Variants in HDAC8 observed in about 807,000 individuals in gnomAD.
The protein encoded by HDAC8 is histone deacetylase-like 1.
HDAC8 carries 1 observed loss-of-function variant against 32.2 expected under a neutral mutation model. That is an observed-to-expected ratio of 0.03 (90% CI 0.01 to 0.15). HDAC8 has a LOEUF of 0.15. Among genes scored for constraint, HDAC8 ranks in the 10% least tolerant of loss-of-function variants. The pLI is 1.00. For missense variants in HDAC8, 117 were observed against 300.0 expected (o/e 0.39, Z 4.51); for synonymous variants, 108 against 113.9 (o/e 0.95, Z 0.33).
chrX:72,521,970 C>A (rs2049996673), intron 4 of HDAC8, among the ~76,000 whole-genome samples: 1 of 111,492 alleles, frequency 9.0e-6, no homozygotes, highest in African/African-American at 3.3e-5. Flanking sequence ...CTTCCCAGAA[C>A]AAGCAGAAAA....
In HDAC8 at chrX:72,422,247, T is replaced by C. The variant is rs782345826; in HGVS notation, c.1005+39757A>G. ...TTTTGGTCATTATTTATTTAAAAAT[T>C]CTTTCTATCCCTTTCATAACCTCTT... On this transcript the variant is annotated intron_variant, in intron 9 of 10. Transcript: ENST00000373573. Among the ~76,000 whole-genome samples, 4 of 111,561 alleles carry C rather than the reference T, an allele frequency of 3.6e-5. No individual in the cohort carries two copies. The South Asian group carries it at 1.5e-3, about 42-fold the overall frequency.
intron 4 of HDAC8, among the ~76,000 whole-genome samples, chrX:72,505,933 C>A (rs782113924): frequency 8.9e-6 from 1 of 112,037 alleles, no homozygotes; most frequent in South Asian, 3.7e-4. Flanking sequence ...CAATATCTTG[C>A]TAATATCCTC....
At chrX:72,539,744 A>G (rs993296320) in intron 4 of HDAC8, among the ~76,000 whole-genome samples, 1 of 111,532 alleles carries the variant, frequency 9.0e-6, no homozygotes, top group Non-Finnish European at 1.9e-5. Flanking sequence ...CCGCACCCCC[A>G]ACAATAACCC....
At chrX:72,553,604 A>T (rs1556081291) in intron 4 of HDAC8, among the ~76,000 whole-genome samples, 1 of 111,533 alleles carries the variant, frequency 9.0e-6, no homozygotes, top group Non-Finnish European at 1.9e-5. Context: ...AGGAGGGAAA[A>T]ATATATATAC....
intron 9 of HDAC8, among the ~76,000 whole-genome samples, chrX:72,393,180 G>A (rs1555964473): frequency 1.8e-5 from 2 of 111,951 alleles, no homozygotes; most frequent in African/African-American, 6.5e-5. Context: ...GGAGAGCCCA[G>A]AGGTAAGCAA....
intron 9 of HDAC8, among the ~76,000 whole-genome samples, chrX:72,418,546 A>C (rs1465729222): frequency 1.8e-5 from 2 of 111,834 alleles, no homozygotes; most frequent in Non-Finnish European, 3.8e-5. Context: ...GATGCTGGCA[A>C]GGTTGTGGAG....
At chrX:72,569,039 A>G (rs1300138592) in intron 2 of HDAC8, among the ~76,000 whole-genome samples, 155 bp from the exon 3 acceptor site, 3 of 112,421 alleles carry the variant, frequency 2.7e-5, no homozygotes, top group African/African-American at 9.7e-5. Context: ...CTTCCACTGC[A>G]CTGTGCGGTC....
chrX:72,511,671 G>A (rs1556022029), intron 4 of HDAC8, among the ~76,000 whole-genome samples: 1 of 112,155 alleles, frequency 8.9e-6, no homozygotes, highest in Non-Finnish European at 1.9e-5. Flanking sequence ...AGAGAAGAGT[G>A]TTTGCTTTAA....
intron 7 of HDAC8, among the ~76,000 whole-genome samples, chrX:72,466,284 A>G: frequency 8.9e-6 from 1 of 112,022 alleles, no homozygotes; most frequent in Admixed American, 9.5e-5. Flanking sequence ...TGTGCCCAGC[A>G]TGTAACTGTA....
At chrX:72,425,163 C>A (rs1555974977) in intron 9 of HDAC8, among the ~76,000 whole-genome samples, 1 of 112,073 alleles carries the variant, frequency 8.9e-6, no homozygotes, top group African/African-American at 3.2e-5. Context: ...TTTTACATCC[C>A]CACCAGCAAA....
chrX:72,388,329 C>T (rs782037120), intron 9 of HDAC8, among the ~76,000 whole-genome samples: 27 of 109,405 alleles, frequency 2.5e-4, no homozygotes, highest in South Asian at 2.0e-3. Context: ...AGTCTAGATG[C>T]GCTGATCCCC....
chrX:72,523,214 A>C (rs782476067), intron 4 of HDAC8, among the ~76,000 whole-genome samples: 1 of 112,071 alleles, frequency 8.9e-6, no homozygotes, highest in East Asian at 2.8e-4. Flanking sequence ...AAACATTTAC[A>C]TTCCCACCAA....
intron 4 of HDAC8, among the ~76,000 whole-genome samples, chrX:72,519,753 C>T (rs1466886839): frequency 9.0e-6 from 1 of 110,602 alleles, no homozygotes; most frequent in African/African-American, 3.3e-5. Flanking sequence ...CCACACCCAG[C>T]TAAGTTTTGT....
chrX:72,460,443 C>T (rs2047836692), intron 9 of HDAC8, among the ~76,000 whole-genome samples: 1 of 111,529 alleles, frequency 9.0e-6, no homozygotes, highest in Non-Finnish European at 1.9e-5. Flanking sequence ...CGGCCGAGAA[C>T]TTGCATTTTT....
intron 9 of HDAC8, among the ~76,000 whole-genome samples, chrX:72,441,291 A>AG (rs1569299566): frequency 8.9e-6 from 1 of 112,234 alleles, no homozygotes; most frequent in Non-Finnish European, 1.9e-5. Context: ...ACCTCCAAGT[A>AG]GGGGCAGACT....
At chrX:72,416,771 T>C (rs1555971948) in intron 9 of HDAC8, among the ~76,000 whole-genome samples, 3 of 109,523 alleles carry the variant, frequency 2.7e-5, no homozygotes, top group Admixed American at 2.0e-4. Flanking sequence ...TTAAAAATTT[T>C]CCTTGAGATT....
chrX:72,432,117 T>G (rs1555977686), intron 9 of HDAC8, among the ~76,000 whole-genome samples: 2 of 110,945 alleles, frequency 1.8e-5, no homozygotes, highest in Non-Finnish European at 3.8e-5. Flanking sequence ...ACTACAGGCA[T>G]GTACCACCTC....
intron 9 of HDAC8, among the ~76,000 whole-genome samples, chrX:72,355,539 G>T (rs1414624352): frequency 1.8e-5 from 2 of 111,694 alleles, no homozygotes; most frequent in Non-Finnish European, 3.8e-5. Context: ...GCAGAGGGAT[G>T]GAAGTGAAAG....
intron 4 of HDAC8, among the ~76,000 whole-genome samples, chrX:72,502,603 G>A (rs970368607): frequency 2.7e-5 from 3 of 111,034 alleles, no homozygotes; most frequent in Non-Finnish European, 5.7e-5. Flanking sequence ...AAGTATCCCC[G>A]AACCTAAACT....
Sources: gnomAD v4.1 joint callset for allele counts (sites outside exome capture counted in the v4.1 genomes callset) on GRCh38, gnomAD v4.1.1 for gene constraint, MANE v1.5 for transcripts, NCBI Gene and HGNC (gene_info 2026-07-23, HGNC 2026-07-21) for gene names.